CFAP161: variants seen among roughly 807,000 people sequenced by gnomAD.
CFAP161 encodes the protein cilia- and flagella-associated protein 161.
A neutral mutation model predicts 29.0 loss-of-function variants in CFAP161; 25 were observed. The observed-to-expected ratio is 0.86, with a 90% CI of 0.63 to 1.20. The LOEUF (loss-of-function observed/expected upper bound fraction) is 1.20. Ranked by LOEUF, CFAP161 falls within the 50% of genes most tolerant of loss-of-function variation. The pLI, the probability that CFAP161 is intolerant of heterozygous loss-of-function variation, is 0.00. For synonymous variants in CFAP161, 116 were observed against 137.4 expected, an observed-to-expected ratio of 0.84 and a Z score of 1.09; for missense variants, 367 against 371.9, an observed-to-expected ratio of 0.99 and a Z score of 0.11.
At chr15:81,120,105 T>C (rs550156475) in intron 1 of CFAP161, among the ~76,000 whole-genome samples, 2 of 152,254 alleles carry the variant, frequency 1.3e-5, no homozygotes, top group East Asian at 1.9e-4. Context: ...AAAATATATA[T>C]TTTTAAGGCC....
In CFAP161 at chr15:81,108,870, C is replaced by T. The variant is rs531775740; in HGVS notation, c.-141-18720C>T. Among the ~76,000 whole-genome samples the T allele has an allele frequency of 4.3e-3, 656 of 152,338 alleles. 1 individual carries two copies. Among genetic ancestry groups the T allele is most frequent in the Non-Finnish European group, 7.0e-3 (474 of 68,024 alleles). ...TCCTGGGAATTTAACCATGTCAATGCTGTCTTTTTTACATTATTAACTGAA... is the reference window on the plus strand; with the variant it reads ...TCCTGGGAATTTAACCATGTCAATGTTGTCTTTTTTACATTATTAACTGAA... On this transcript the variant is annotated intron_variant, in intron 1 of 4. Transcript: ENST00000560091.
At chr15:81,134,146 G>A (rs561234077), upstream of CFAP161, 121 of 611,912 alleles carry the variant, frequency 2.0e-4, 1 homozygote, top group Middle Eastern at 1.3e-3. Context: ...CGGGCTGGAG[G>A]GCCACAGACA....
intron 1 of CFAP161, among the ~76,000 whole-genome samples, chr15:81,099,875 CCTA>C (rs1449539498): frequency 1.1e-4 from 17 of 152,244 alleles, no homozygotes; most frequent in Non-Finnish European, 2.1e-4. Context: ...ATCTTCCTCT[CCTA>C]CTATCTTCCT....
intron 1 of CFAP161, among the ~76,000 whole-genome samples, chr15:81,126,166 G>A (rs1306463672): frequency 6.6e-6 from 1 of 152,140 alleles, no homozygotes; most frequent in South Asian, 2.1e-4. Flanking sequence ...ACCATGCCCG[G>A]CCAACTCACT....
intron 4 of CFAP161, among the ~76,000 whole-genome samples, chr15:81,139,786 G>T (rs897279006): frequency 3.3e-5 from 5 of 152,076 alleles, no homozygotes; most frequent in Non-Finnish European, 7.4e-5. Context: ...CTAAGTCAAA[G>T]AATATGAACA....
At chr15:81,108,969 T>C (rs1567150785) in intron 1 of CFAP161, among the ~76,000 whole-genome samples, 1 of 152,130 alleles carries the variant, frequency 6.6e-6, no homozygotes, top group South Asian at 2.1e-4. Flanking sequence ...AAATCAGGAC[T>C]GTAAGGTGGA....
chr15:81,114,506 CATTG>C (rs1440120083), intron 1 of CFAP161, among the ~76,000 whole-genome samples: 13 of 152,150 alleles, frequency 8.5e-5, no homozygotes, highest in Non-Finnish European at 1.5e-5. Context: ...AAGTTTGCCA[CATTG>C]ATTGACTCTT....
At chr15:81,141,456 T>G (rs957878514) in intron 4 of CFAP161, among the ~76,000 whole-genome samples, 2 of 152,176 alleles carry the variant, frequency 1.3e-5, no homozygotes, top group African/African-American at 4.8e-5. Context: ...CAGTTGATTT[T>G]TTTATGTTTT....
intron 2 of CFAP161, among the ~76,000 whole-genome samples, chr15:81,128,958 A>C (rs75958958): frequency 3.4e-5 from 1 of 29,392 alleles, no homozygotes; most frequent in African/African-American, 8.2e-5. Flanking sequence ...TGTCTCGAGA[A>C]AAAAAAAAAA....
At chr15:81,136,163 C>T (rs970919141) in intron 2 of CFAP161, among the ~76,000 whole-genome samples, 4 of 152,138 alleles carry the variant, frequency 2.6e-5, no homozygotes, top group African/African-American at 9.7e-5. Context: ...AAACAGTCTG[C>T]CCTAAATCAT....
At position 81,140,709 on chromosome 15, in the gene CFAP161, C is replaced by G. The variant is rs548922739; in HGVS notation, c.477+2574C>G. ...GAGTAGCTGGGACCACAGGTGCACA[C>G]CATTATACCTGGCTAAGTTTTTAAA... On this transcript the variant is annotated intron_variant, in intron 4 of 6. Coordinates refer to ENST00000286732, the MANE Select transcript of CFAP161 (RefSeq NM_173528.4). Among the ~76,000 whole-genome samples the G allele has an allele frequency of 2.9e-4, 44 of 152,086 alleles. 1 individual carries two copies. Among genetic ancestry groups the G allele is most frequent in the African/African-American group, 1.0e-3 (42 of 41,510 alleles).
chr15:81,125,665 A>G (rs963803603), intron 1 of CFAP161, among the ~76,000 whole-genome samples: 2 of 152,208 alleles, frequency 1.3e-5, no homozygotes, highest in African/African-American at 4.8e-5. Flanking sequence ...ATTATATTTT[A>G]TATGAGTACT....
chr15:81,142,204 T>C (rs2141883385), intron 4 of CFAP161, among the ~76,000 whole-genome samples: 1 of 152,230 alleles, frequency 6.6e-6, no homozygotes, highest in East Asian at 1.9e-4. Flanking sequence ...GCCCCATTGC[T>C]TTGCCCTTTT....
chr15:81,122,513 T>A (rs1452244619), intron 1 of CFAP161, among the ~76,000 whole-genome samples: 6 of 147,978 alleles, frequency 4.1e-5, no homozygotes, highest in Non-Finnish European at 7.5e-5. Context: ...TTTTTTTAGA[T>A]GGAATTTCAC....
chr15:81,118,137 T>G, intron 1 of CFAP161: 1 of 523,430 alleles, frequency 1.9e-6, no homozygotes, highest in Non-Finnish European at 3.5e-6. Context: ...GATTTGGAAG[T>G]TTTTCTGCAG....
At chr15:81,148,158 G>A (rs903311830) in intron 6 of CFAP161, among the ~76,000 whole-genome samples, 180 bp from the exon 7 acceptor site, 4 of 152,094 alleles carry the variant, frequency 2.6e-5, no homozygotes, top group African/African-American at 9.7e-5. Context: ...GGATCCTACT[G>A]GCCTAATCTT....
upstream of CFAP161, among the ~76,000 whole-genome samples, chr15:81,130,592 T>C (rs1240976750): frequency 1.3e-5 from 2 of 152,054 alleles, no homozygotes; most frequent in Admixed American, 1.3e-4. Context: ...CTCAGCTACT[T>C]GGGAGGCTGA....
intron 4 of CFAP161, among the ~76,000 whole-genome samples, chr15:81,142,657 G>A (rs1227039549): frequency 6.6e-6 from 1 of 152,164 alleles, no homozygotes; most frequent in Non-Finnish European, 1.5e-5. Context: ...AACCTCATGA[G>A]GATAGTAACT....
chr15:81,139,355 C>G (rs1315774380), intron 4 of CFAP161, among the ~76,000 whole-genome samples: 1 of 152,082 alleles, frequency 6.6e-6, no homozygotes, highest in Non-Finnish European at 1.5e-5. Flanking sequence ...ACCAATTAAA[C>G]TTTGACACCC....
Sources: allele counts gnomAD v4.1 joint callset (sites outside exome capture counted in the v4.1 genomes callset), GRCh38; gene constraint gnomAD v4.1.1; transcripts MANE v1.5; gene names NCBI Gene and HGNC (gene_info 2026-07-23, HGNC 2026-07-21).